Variants in PLXNB3 observed in about 807,000 individuals in gnomAD.
The protein encoded by PLXNB3 is plexin B3, also known as plexin-B3.
PLXNB3 carries 80 observed loss-of-function variants against 125.7 expected under a neutral mutation model. That is an observed-to-expected ratio of 0.64 (90% confidence interval 0.53 to 0.77). PLXNB3 has a LOEUF of 0.77. Among genes scored for constraint, PLXNB3 ranks in the 30% least tolerant of loss-of-function variants. The probability of loss-of-function intolerance (pLI) is 0.00; values close to 1 mark genes in which losing one functional copy is unlikely to be tolerated. For missense variants in PLXNB3, 1,836 were observed against 1,729.3 expected (o/e 1.06, Z -1.09); for synonymous variants, 954 against 783.3 (o/e 1.22, Z -3.64).
chrX:153,768,996 G>A lies in PLXNB3; in HGVS notation c.1315G>A (p.Gly439Arg). Residue 439 changes from glycine to arginine, a missense_variant, in exon 5 of 36, where the codon GGG (glycine) becomes AGG (arginine). Gly to Arg is a moderately radical substitution (Grantham distance 125, BLOSUM62 -2). Transcript: ENST00000361971. ...CCAGGTTTACCACTCCCAGCAAGTG[G>A]GGCCTCCAGGCTCAGCCATCAGCCC... The part of the protein sequence containing the change: ...QGQVYHSQQV[G>R]PPGSAISPDL... The A allele has an allele frequency of 8.3e-7, 1 of 1,210,989 alleles. No homozygotes were observed. Among genetic ancestry groups the A allele is most frequent in the Non-Finnish European group, 1.1e-6 (1 of 894,648 alleles).
chrX:153,769,546 C>G (rs920324833), intron 6 of PLXNB3, among the ~76,000 whole-genome samples: 1 of 113,044 alleles, frequency 8.8e-6, no homozygotes, highest in Non-Finnish European at 1.9e-5. Context: ...CACACGGCAG[C>G]CCCTGGAATC....
rs879986670 is a variant in PLXNB3 at position 153,776,085 on chromosome X, G to A, written c.4600G>A (p.Glu1534Lys). 2.5e-6 allele frequency: 3 copies of A among 1,196,900 alleles called. No individual in the cohort carries two copies. Among genetic ancestry groups the A allele is most frequent in the Non-Finnish European group, 2.3e-6 (2 of 888,476 alleles). ...PGAGGAAGSS[E>K]MQRVPARVLD... Reference sequence around the variant, plus strand: ...GGCTGGCGGGGCCGCAGGCAGCAGCGAGATGCAGCGCGTGCCAGCCCGGGT... The same window carrying A: ...GGCTGGCGGGGCCGCAGGCAGCAGCAAGATGCAGCGCGTGCCAGCCCGGGT... The change falls in exon 27 of 36, where the codon GAG becomes AAG. Residue 1534 changes from glutamate (E) to lysine (K), a missense_variant. Coordinates refer to ENST00000361971, the MANE Select transcript of PLXNB3 (RefSeq NM_005393.3).
At chrX:153,778,540 G>C in intron 34 of PLXNB3, 60 bp from the exon 35 acceptor site, 1 of 1,179,043 alleles carries the variant, frequency 8.5e-7, no homozygotes, top group Non-Finnish European at 1.1e-6. Flanking sequence ...AGAGGGGGGA[G>C]ACTTGGGGCT....
rs781964742 is a variant in PLXNB3, at chrX:153,773,670, C to A, written c.3236C>A (p.Ala1079Glu). 8.5e-7 allele frequency: 1 copy of A among 1,175,497 alleles called. No individual in the cohort carries two copies. ...AGGAGGAGCTGTGGAGCCCCTGCTG[C>A]GGACCCCCAGGCTTGTATCCAGCTC... ...QPRRSCGAPA[A>E]DPQACIQLGG... The change falls in exon 19 of 36, where the codon GCG becomes GAG. Residue 1079 changes from alanine (A) to glutamate (E), a missense_variant. Ala to Glu is a moderately radical substitution (Grantham distance 107, BLOSUM62 -1). Coordinates refer to ENST00000361971, the MANE Select transcript of PLXNB3 (RefSeq NM_005393.3).
chrX:153,772,295 G>GCCTCCCAGGTGTGC lies in PLXNB3; in HGVS notation c.2775+12_2775+25dup. On this transcript the variant is annotated intron_variant, in intron 16 of 35. Transcript: ENST00000361971. ...CAGCACTTCACCTACCAGGTCAGTG[G>GCCTCCCAGGTGTGC]CCTCCCAGGTGTGCCCTACGCAGGG... 1 of 1,161,404 alleles carries GCCTCCCAGGTGTGC rather than the reference G, an allele frequency of 8.6e-7. No individual in the cohort carries two copies. The highest frequency in any genetic ancestry group is 1.2e-6 in the Non-Finnish European group (1 of 852,933).
In PLXNB3 at chrX:153,767,499, G is replaced by A. The variant is rs1557059703; in HGVS notation, c.672G>A (p.Val224=). The change falls in exon 3 of 36, where the codon GTG becomes GTA. Residue 224 remains valine (V), a synonymous_variant. Transcript: ENST00000361971. ...FSSEGLGRLV[V]GDFSDYNNSY... is the part of the protein sequence containing the mutation. The stretch of plus-strand genomic sequence containing the variant: ...GCGAGGGCCTGGGCCGCCTGGTGGT[G>A]GGCGACTTCTCCGACTACAACAACA... 1.8e-5 allele frequency: 21 copies of A among 1,184,438 alleles called. No individual in the cohort carries two copies. Among genetic ancestry groups the A allele is most frequent in the East Asian group, 3.0e-5 (1 of 33,470 alleles).
chrX:153,772,002 C>A lies in PLXNB3; in HGVS notation c.2656C>A (p.Arg886Ser), dbSNP rs1453766008. 1.7e-6 allele frequency: 2 copies of A among 1,194,594 alleles called. No individual in the cohort carries two copies. Among genetic ancestry groups the A allele is most frequent in the Non-Finnish European group, 2.3e-6 (2 of 885,759 alleles). The change falls in exon 15 of 36, where the codon CGC (arginine) becomes AGC (serine). Residue 886 changes from arginine to serine, a missense_variant. Transcript: ENST00000361971. Reference sequence around the variant, plus strand: ...CTGCAACCCTGAGCCCTCTCTCTACCGCACGTCGGCCCGGTGAGGCACTTG... The same window carrying A: ...CTGCAACCCTGAGCCCTCTCTCTACAGCACGTCGGCCCGGTGAGGCACTTG... Reference protein sequence around the residue: ...RPCNPEPSLYRTSARIVCVTS... With the variant: ...RPCNPEPSLYSTSARIVCVTS...
chrX:153,778,806 T>G, intron 35 of PLXNB3, 129 bp from the exon 36 acceptor site: 1 of 1,111,926 alleles, frequency 9.0e-7, no homozygotes, highest in Non-Finnish European at 1.2e-6. Context: ...TCATTCTGAT[T>G]CCCCAGGGAG....
intron 17 of PLXNB3, 105 bp from the exon 18 acceptor site, chrX:153,773,125 C>G: frequency 4.7e-6 from 5 of 1,074,687 alleles, no homozygotes; most frequent in Non-Finnish European, 6.2e-6. Flanking sequence ...GGTCCCTGCC[C>G]TTGTCAAGGC....
intron 2 of PLXNB3, 130 bp downstream of exon 2, chrX:153,765,710 G>A (rs1484863307): frequency 2.2e-5 from 25 of 1,139,229 alleles, no homozygotes; most frequent in African/African-American, 5.4e-5. Context: ...CAGATAGCCC[G>A]GGGTCCGCAG....
In PLXNB3 at chrX:153,777,272, C is replaced by T. The variant is rs781821665; in HGVS notation, c.4992C>T (p.Thr1664=). 1.2e-5 allele frequency: 14 copies of T among 1,196,940 alleles called. No homozygotes were observed. The highest frequency in any genetic ancestry group is 6.0e-5 in the East Asian group (2 of 33,257). ...GCCTCTGGCACCTGGTGAAAGCCAC[C>T]GAGGAGCCAGAAGGGGCCAAGGTGC... ...GVCLWHLVKA[T]EEPEGAKVRC... The change falls in exon 30 of 36, where the codon ACC becomes ACT. Residue 1664 remains threonine, a synonymous_variant. Coordinates refer to ENST00000361971, the MANE Select transcript of PLXNB3 (RefSeq NM_005393.3).
rs781976231 is a variant in PLXNB3, at chrX:153,767,889, G to A, written c.1062G>A (p.Thr354=). ...AEEATVEYGV[T]SRCVTLPLDS... is the part of the protein sequence containing the mutation. ...AAGCCACCGTGGAGTACGGCGTCAC[G>A]TCGCGCTGCGTCACCCTGCCCCTTG... The change falls in exon 3 of 36, where the codon ACG becomes ACA. Residue 354 remains threonine, a synonymous_variant. Coordinates refer to ENST00000361971, the MANE Select transcript of PLXNB3 (RefSeq NM_005393.3). 5 of 1,100,992 alleles carry A rather than the reference G, an allele frequency of 4.5e-6. No individual in the cohort carries two copies. Among genetic ancestry groups the A allele is most frequent in the South Asian group, 4.5e-5 (2 of 44,516 alleles). 90.7% of individuals were successfully genotyped at this position (1,100,992 alleles called of 1,213,427 possible).
intron 2 of PLXNB3, 162 bp from the exon 3 acceptor site, chrX:153,766,711 T>C (rs1259120942): frequency 4.0e-5 from 29 of 723,801 alleles, no homozygotes; most frequent in Admixed American, 9.2e-5. Flanking sequence ...CTGTGCCCCC[T>C]CTGTCTCCTT....
chrX:153,765,609 A>C, intron 2 of PLXNB3, 29 bp downstream of exon 2: 1 of 1,179,621 alleles, frequency 8.5e-7, no homozygotes, highest in Non-Finnish European at 1.1e-6. Flanking sequence ...TGTCCCCAGA[A>C]ATGTTCCTGG....
intron 28 of PLXNB3, among the ~76,000 whole-genome samples, chrX:153,776,675 T>C (rs1250059246): frequency 5.7e-5 from 1 of 17,689 alleles, no homozygotes; most frequent in African/African-American, 2.7e-4. Context: ...AGGGCGAGGA[T>C]GGGGCGGGGC....
At chrX:153,769,731 C>T in intron 6 of PLXNB3, 76 bp from the exon 7 acceptor site, 1 of 1,076,925 alleles carries the variant, frequency 9.3e-7, no homozygotes, top group South Asian at 2.2e-5. Flanking sequence ...CTGGGCCGGC[C>T]TCCCCAGGCC....
Position 153,767,924 on chromosome X carries a change from T to A in PLXNB3, c.1086+11T>A. ...GTCACCCTGCCCCTTGTGAGTGGCA[T>A]GCCCTTCCATCCCCCCTCTCTGTGG... is the stretch of plus-strand genomic sequence containing the variant. On this transcript the variant is annotated intron_variant, in intron 3 of 35. Coordinates refer to ENST00000361971, the MANE Select transcript of PLXNB3 (RefSeq NM_005393.3). The A allele has an allele frequency of 9.2e-7, 1 of 1,085,325 alleles. No homozygotes were observed. The highest frequency in any genetic ancestry group is 1.9e-5 in the African/African-American group (1 of 53,957). The allele number at this position is 1,085,325 out of a possible 1,213,427, so 89.4% of individuals were successfully genotyped here.
chrX:153,775,590 G>T lies in PLXNB3; in HGVS notation c.4335-4G>T, dbSNP rs782622096. The T allele has an allele frequency of 8.3e-7, 1 of 1,208,421 alleles. No homozygotes were observed. The highest frequency in any genetic ancestry group is 2.2e-5 in the Admixed American group (1 of 45,953). On this transcript the variant is annotated splice_polypyrimidine_tract_variant and splice_region_variant and intron_variant, in intron 25 of 35. Coordinates refer to ENST00000361971, the MANE Select transcript of PLXNB3 (RefSeq NM_005393.3). ...GGCCTGACCCTGTGGCCGGCTCCCC[G>T]CAGGACAGAGACCATGGTGGAGAAA...
chrX:153,771,430 G>A (rs199596900), intron 13 of PLXNB3, 27 bp downstream of exon 13: 205 of 1,204,399 alleles, frequency 1.7e-4, no homozygotes, highest in Admixed American at 9.1e-4. Flanking sequence ...CCAGGCAGGC[G>A]GGGCAGGGTG....
Sources: gnomAD v4.1 joint callset for allele counts (sites outside exome capture counted in the v4.1 genomes callset) on GRCh38, gnomAD v4.1.1 for gene constraint, MANE v1.5 for transcripts, NCBI Gene and HGNC (gene_info 2026-07-23, HGNC 2026-07-21) for gene names.